Variants in TMEM213 observed in about 807,000 individuals in gnomAD.
The protein encoded by TMEM213 is transmembrane protein 213.
A neutral mutation model predicts 11.6 loss-of-function variants in TMEM213; 7 were observed. That is an observed-to-expected ratio of 0.60 (90% CI 0.34 to 1.13). The LOEUF is 1.13. TMEM213 is among the 50% of genes most tolerant of loss of function. TMEM213 has a pLI of 0.03. For synonymous variants in TMEM213, 60 were observed against 58.3 expected (o/e 1.03, Z -0.13); for missense variants, 129 against 139.0 (o/e 0.93, Z 0.36).
intron 2 of TMEM213, among the ~76,000 whole-genome samples, chr7:138,802,693 T>C (rs1330027951): frequency 6.6e-6 from 1 of 152,192 alleles, no homozygotes; most frequent in Non-Finnish European, 1.5e-5. Context: ...AGTTTCTTCA[T>C]GTAAAATGGG....
chr7:138,800,677 T>TTTCTTCTTCTTCTTCTTCTTCTTCTTC (rs142153597), intron 1 of TMEM213, among the ~76,000 whole-genome samples: 1 of 128,504 alleles, frequency 7.8e-6, no homozygotes, highest in Non-Finnish European at 1.6e-5. Context: ...GTTGCTGATG[T>TTTCTTCTTCTTCTTCTTCTTCTTCTTC]TTCTTCTTCT....
chr7:138,799,314 C>T lies in TMEM213; in HGVS notation c.82+1128C>T, dbSNP rs931236785. On this transcript the variant is annotated intron_variant, in intron 1 of 2. Transcript: ENST00000442682. ...AGAGTGCTGAGTTTCTTTCTACTTA[C>T]CCCGACAGTGCCTTGCTTATGATGG... 2.6e-5 allele frequency: 4 copies of T among 152,164 alleles called. No individual in the cohort carries two copies. In the East Asian group the frequency reaches 7.7e-4, roughly 29 times the overall value. The allele number at this position is 152,164 out of a possible 1,614,324, so 9.4% of individuals were successfully genotyped here.
In TMEM213 at chr7:138,803,421, C is replaced by T. The variant is rs1039206308; in HGVS notation, c.*352C>T. ...TTCAGAAGCAAGTGCATAACCTTCT[C>T]ACCAAAACCAGGTTATCTGCTTCTG... is the stretch of plus-strand genomic sequence containing the variant. On this transcript the variant is annotated 3_prime_UTR_variant, in exon 3 of 3. Coordinates refer to ENST00000442682, the MANE Select transcript of TMEM213 (RefSeq NM_001085429.2). 4.2e-6 allele frequency: 1 copy of T among 235,510 alleles called. No individual in the cohort carries two copies. Among genetic ancestry groups the T allele is most frequent in the South Asian group, 5.4e-5 (1 of 18,504 alleles). The allele number at this position is 235,510 out of a possible 1,614,324, so 14.6% of individuals were successfully genotyped here.
At chr7:138,801,213 G>A (rs1014017703) in intron 1 of TMEM213, 114 bp from the exon 2 acceptor site, 71 of 966,000 alleles carry the variant, frequency 7.3e-5, no homozygotes, top group Non-Finnish European at 1.0e-4. Context: ...CCATGCGGGA[G>A]CTTCTATAAT....
At chr7:138,799,379 G>A (rs976626959) in intron 1 of TMEM213, 7 of 152,192 alleles carry the variant, frequency 4.6e-5, no homozygotes, top group East Asian at 1.9e-4. Flanking sequence ...GCACTGAATC[G>A]TTGGGTCTTC....
chr7:138,803,594 A>G lies in TMEM213; in HGVS notation c.*525A>G, dbSNP rs1035647723. ...GGAGTTCCAGATCAGCCTGGCCAAC[A>G]TGGTGAAACCCTGTCTCTACTAAAA... is the stretch of plus-strand genomic sequence containing the variant. On this transcript the variant is annotated 3_prime_UTR_variant, in exon 3 of 3. Coordinates refer to ENST00000442682, the MANE Select transcript of TMEM213 (RefSeq NM_001085429.2). The G allele has an allele frequency of 6.3e-6, 1 of 158,792 alleles. No individual in the cohort carries two copies. Among genetic ancestry groups the G allele is most frequent in the Non-Finnish European group, 1.4e-5 (1 of 71,978 alleles). 9.8% of individuals were successfully genotyped at this position (158,792 alleles called of 1,614,324 possible).
At chr7:138,802,405 G>C (rs1329382279) in intron 2 of TMEM213, among the ~76,000 whole-genome samples, 1 of 151,990 alleles carries the variant, frequency 6.6e-6, no homozygotes, top group Non-Finnish European at 1.5e-5. Context: ...CAAAACATTA[G>C]CTGGGTGTGG....
chr7:138,803,376 T>C lies in TMEM213; in HGVS notation c.*307T>C. 3.2e-6 allele frequency: 1 copy of C among 312,734 alleles called. No individual in the cohort carries two copies. The highest frequency in any genetic ancestry group is 2.2e-5 in the African/African-American group (1 of 44,938). 19.4% of individuals were successfully genotyped at this position (312,734 alleles called of 1,614,324 possible). The stretch of plus-strand genomic sequence containing the variant: ...GGAGGTGCACAAGAAACTATAAGAC[T>C]TAGTCTCATCATCAACATTTTCAGA... On this transcript the variant is annotated 3_prime_UTR_variant, in exon 3 of 3. Coordinates refer to ENST00000442682, the MANE Select transcript of TMEM213 (RefSeq NM_001085429.2).
rs1809108261 is a variant in TMEM213 at position 138,806,728 on chromosome 7, G to A, written c.*3659G>A. The A allele has an allele frequency of 6.6e-6, 1 of 152,208 alleles. No individual in the cohort carries two copies. Among genetic ancestry groups the A allele is most frequent in the African/African-American group, 2.4e-5 (1 of 41,444 alleles). 9.4% of individuals were successfully genotyped at this position (152,208 alleles called of 1,614,324 possible). A position where few individuals can be genotyped will look rare whatever the true frequency, so the allele number is the denominator to read the frequency against. On this transcript the variant is annotated 3_prime_UTR_variant, in exon 3 of 3. Coordinates refer to ENST00000442682, the MANE Select transcript of TMEM213 (RefSeq NM_001085429.2). ...ATATGGGGCATGTCTGTATCAAAATGTCATATGTAGAAATAAAGTATTAAA... is the reference window on the plus strand; with the variant it reads ...ATATGGGGCATGTCTGTATCAAAATATCATATGTAGAAATAAAGTATTAAA...
chr7:138,800,922 C>T (rs558625898), intron 1 of TMEM213, among the ~76,000 whole-genome samples: 12 of 152,220 alleles, frequency 7.9e-5, no homozygotes, highest in South Asian at 2.1e-4. Context: ...TGTTCTTGAA[C>T]TCCTGACCTC....
rs779847207 is a variant in TMEM213, at chr7:138,801,359, G to A, written c.115G>A (p.Ala39Thr). 2.1e-5 allele frequency: 34 copies of A among 1,611,298 alleles called. No individual in the cohort carries two copies. Among genetic ancestry groups the A allele is most frequent in the East Asian group, 4.5e-5 (2 of 44,792 alleles). Residue 39 changes from alanine (A) to threonine (T), a missense_variant, in exon 2 of 3, where the codon GCT becomes ACT. Transcript: ENST00000442682. ...ASSSNSSSLT[A>T]HHPDPGTLEQ... ...CAGCAGCAACAGCTCAAGCTTGACC[G>A]CTCACCACCCAGACCCTGGGACCCT...
At chr7:138,800,576 T>C (rs1808901593) in intron 1 of TMEM213, among the ~76,000 whole-genome samples, 1 of 152,160 alleles carries the variant, frequency 6.6e-6, no homozygotes, top group Non-Finnish European at 1.5e-5. Flanking sequence ...AAGGTGTTGA[T>C]GGTTTGATTT....
intron 1 of TMEM213, among the ~76,000 whole-genome samples, chr7:138,800,031 C>G (rs1584963110): frequency 6.6e-6 from 1 of 151,750 alleles, no homozygotes. Context: ...CCCCAAGAAG[C>G]AGAACGAACA....
At chr7:138,799,320 C>T (rs58466323) in intron 1 of TMEM213, 17,548 of 152,238 alleles carry the variant, frequency 0.12, 1,039 homozygotes, top group East Asian at 0.15. Context: ...CTTACCCCGA[C>T]AGTGCCTTGC....
Position 138,798,024 on chromosome 7 carries a change from G to A in TMEM213, c.-81G>A. The A allele has an allele frequency of 1.3e-6, 2 of 1,551,632 alleles. No individual in the cohort carries two copies. Among genetic ancestry groups the A allele is most frequent in the Non-Finnish European group, 1.7e-6 (2 of 1,147,288 alleles). On this transcript the variant is annotated 5_prime_UTR_variant, in exon 1 of 3. Coordinates refer to ENST00000442682, the MANE Select transcript of TMEM213 (RefSeq NM_001085429.2). ...TGCTTTCCAGCTCCTGCAGGTGGGAGTCGACTCACCTGCAGCAGGCACTCG... is the reference window on the plus strand; with the variant it reads ...TGCTTTCCAGCTCCTGCAGGTGGGAATCGACTCACCTGCAGCAGGCACTCG...
chr7:138,800,209 C>G (rs1808887061), intron 1 of TMEM213, among the ~76,000 whole-genome samples: 1 of 152,078 alleles, frequency 6.6e-6, no homozygotes, highest in Admixed American at 6.6e-5. Flanking sequence ...CAATGGAACC[C>G]TTGGCATGGG....
At chr7:138,799,972 C>T (rs1421118792) in intron 1 of TMEM213, among the ~76,000 whole-genome samples, 2 of 152,106 alleles carry the variant, frequency 1.3e-5, no homozygotes, top group African/African-American at 4.8e-5. Flanking sequence ...GCCAGGGGAA[C>T]CTTGAGAGTT....
intron 2 of TMEM213, among the ~76,000 whole-genome samples, chr7:138,802,133 T>C (rs1808966702): frequency 6.6e-6 from 1 of 151,462 alleles, no homozygotes; most frequent in Non-Finnish European, 1.5e-5. Flanking sequence ...ACCACTGCAC[T>C]CCAGCCTGGG....
In TMEM213 at chr7:138,805,530, G is replaced by A. The variant is rs1198263158; in HGVS notation, c.*2461G>A. On this transcript the variant is annotated 3_prime_UTR_variant, in exon 3 of 3. Transcript: ENST00000442682. ...TGTGACGGTTTATTTCCCAAGAGAT[G>A]AAAAGATTCATTAAGGTGCATGCTT... 6.6e-6 allele frequency: 1 copy of A among 152,136 alleles called. No individual in the cohort carries two copies. Among genetic ancestry groups the A allele is most frequent in the African/African-American group, 2.4e-5 (1 of 41,428 alleles). The allele number at this position is 152,136 out of a possible 1,614,324, so 9.4% of individuals were successfully genotyped here. A position where few individuals can be genotyped will look rare whatever the true frequency, so the allele number is the denominator to read the frequency against.
Sources: allele counts gnomAD v4.1 joint callset (sites outside exome capture counted in the v4.1 genomes callset), GRCh38; gene constraint gnomAD v4.1.1; transcripts MANE v1.5; gene names NCBI Gene and HGNC (gene_info 2026-07-23, HGNC 2026-07-21).